The following SORCS1 variants were observed in gnomAD, a reference collection of about 807,000 sequenced individuals.
The protein encoded by SORCS1 is sortilin related VPS10 domain containing receptor 1, also known as VPS10 domain-containing receptor SorCS1.
In SORCS1, 60 loss-of-function variants were observed where a neutral mutation model predicts 146.1. The observed-to-expected ratio is 0.41, with a 90% CI of 0.33 to 0.51. The LOEUF is 0.51. Ranked by LOEUF, SORCS1 falls within the 20% of genes least tolerant of loss-of-function variation. The pLI is 0.21. For missense variants in SORCS1, 1,352 were observed against 1,487.6 expected, an observed-to-expected ratio of 0.91 and a Z score of 1.50; for synonymous variants, 637 against 584.0, an observed-to-expected ratio of 1.09 and a Z score of -1.31.
intron 1 of SORCS1, among the ~76,000 whole-genome samples, chr10:107,123,955 C>T (rs535382622): frequency 1.3e-3 from 194 of 150,016 alleles, no homozygotes; most frequent in African/African-American, 4.5e-3. Flanking sequence ...GGCGTGGTGG[C>T]GGGTACCTGT....
intron 3 of SORCS1, among the ~76,000 whole-genome samples, chr10:106,801,930 T>C (rs1946922237): frequency 6.6e-6 from 1 of 152,174 alleles, no homozygotes. Flanking sequence ...CAGGATTGAA[T>C]GTAGTTAGTT....
intron 21 of SORCS1, among the ~76,000 whole-genome samples, chr10:106,617,058 G>A (rs1022745): frequency 0.72 from 108,491 of 151,610 alleles, 40,625 homozygotes; most frequent in Non-Finnish European, 0.83. Flanking sequence ...GGGTTCAAGC[G>A]ATTCTCCTGC....
chr10:106,821,935 A>T (rs1490114570), intron 3 of SORCS1, among the ~76,000 whole-genome samples: 2 of 152,104 alleles, frequency 1.3e-5, no homozygotes, highest in Non-Finnish European at 1.5e-5. Context: ...AAAATAAAAA[A>T]AAAAAAAAGT....
intron 1 of SORCS1, among the ~76,000 whole-genome samples, chr10:106,977,842 A>C (rs1458644888): frequency 1.3e-5 from 2 of 152,230 alleles, no homozygotes; most frequent in African/African-American, 2.4e-5. Flanking sequence ...CCAAATCATA[A>C]ATGTCTACTA....
intron 15 of SORCS1, 67 bp downstream of exon 15, chr10:106,672,801 A>T: frequency 7.3e-7 from 1 of 1,364,202 alleles, no homozygotes; most frequent in South Asian, 1.2e-5. Flanking sequence ...TACCTTAGCA[A>T]CTAGCTTTCC....
intron 4 of SORCS1, among the ~76,000 whole-genome samples, chr10:106,772,248 G>A (rs945940757): frequency 1.3e-5 from 2 of 152,030 alleles, no homozygotes; most frequent in African/African-American, 4.8e-5. Context: ...GTCTCCCCTG[G>A]CCCTCAGACA....
intron 1 of SORCS1, among the ~76,000 whole-genome samples, chr10:107,015,570 T>C (rs1235401169): frequency 6.6e-6 from 1 of 152,290 alleles, no homozygotes; most frequent in Admixed American, 6.5e-5. Context: ...TGAGAATTGA[T>C]GCTGTATATG....
intron 9 of SORCS1, among the ~76,000 whole-genome samples, chr10:106,693,487 T>C (rs186638385): frequency 1.3e-5 from 2 of 152,310 alleles, no homozygotes; most frequent in African/African-American, 2.4e-5. Context: ...TCAAAGAAAT[T>C]GTATTTTATT....
chr10:107,089,344 T>G (rs1964000827), intron 1 of SORCS1, among the ~76,000 whole-genome samples: 1 of 152,214 alleles, frequency 6.6e-6, no homozygotes, highest in African/African-American at 2.4e-5. Flanking sequence ...GATATTCTAG[T>G]TATTATGTGA....
chr10:106,701,616 C>T (rs1355292173), intron 8 of SORCS1, among the ~76,000 whole-genome samples: 1 of 152,158 alleles, frequency 6.6e-6, no homozygotes, highest in African/African-American at 2.4e-5. Context: ...ATGGCCCAAT[C>T]CTGTGACATT....
Position 107,164,535 on chromosome 10 carries a change from C to G in SORCS1, c.-9G>C, listed in dbSNP as rs1036885294. On this transcript the variant is annotated 5_prime_UTR_variant, in exon 1 of 26. Transcript: ENST00000263054. The surrounding 1 kb of genome is among the most constrained non-coding windows in gnomAD (Gnocchi z 6.8). ...GCGCCAACTTTTCCCATCGCGGGAG[C>G]GAAGAGCAGCGGAGAGAGGGGTCCC... 2 of 1,344,070 alleles carry G rather than the reference C, an allele frequency of 1.5e-6. No individual in the cohort carries two copies. The highest frequency in any genetic ancestry group is 1.9e-6 in the Non-Finnish European group (2 of 1,055,220). 83.3% of individuals were successfully genotyped at this position (1,344,070 alleles called of 1,614,324 possible).
chr10:107,071,975 A>G (rs1262742501), intron 1 of SORCS1, among the ~76,000 whole-genome samples: 1 of 152,240 alleles, frequency 6.6e-6, no homozygotes, highest in Non-Finnish European at 1.5e-5. Context: ...AAAACTCTGA[A>G]GATGGGATGC....
chr10:106,988,550 T>C (rs1468729395), intron 1 of SORCS1, among the ~76,000 whole-genome samples: 1 of 152,158 alleles, frequency 6.6e-6, no homozygotes, highest in African/African-American at 2.4e-5. Context: ...CTTACTTTTT[T>C]TTTTTAGAAT....
rs200567639 is a variant in SORCS1 at position 106,623,243 on chromosome 10, CTT to C, written c.2663-2684_2663-2683del. Among the ~76,000 whole-genome samples the C allele has an allele frequency of 6.7e-3, 905 of 135,814 alleles. 9 individuals carry two copies. The highest frequency in any genetic ancestry group is 0.022 in the African/African-American group (821 of 36,544). 89.1% of individuals were successfully genotyped at this position (135,814 alleles called of 152,430 possible). On this transcript the variant is annotated intron_variant, in intron 19 of 25. Transcript: ENST00000263054. Reference sequence around the variant, plus strand: ...GTTCATTTTGTCTCTCATATGTGAGCTTTTTTTTTTTTTTTTTGAGACAGAGT... The same window carrying C: ...GTTCATTTTGTCTCTCATATGTGAGCTTTTTTTTTTTTTTTGAGACAGAGT...
intron 1 of SORCS1, among the ~76,000 whole-genome samples, chr10:107,038,678 C>G (rs1269966612): frequency 9.3e-6 from 1 of 107,676 alleles, no homozygotes; most frequent in African/African-American, 4.2e-5. Context: ...CTGCCCACCC[C>G]CAACCCTGGG....
At chr10:107,120,269 T>C (rs1360227629) in intron 1 of SORCS1, among the ~76,000 whole-genome samples, 2 of 152,184 alleles carry the variant, frequency 1.3e-5, no homozygotes, top group African/African-American at 4.8e-5. Context: ...ACATTATACA[T>C]CAATACAGCA....
At chr10:106,739,912 T>C (rs892288496) in intron 5 of SORCS1, among the ~76,000 whole-genome samples, 4 of 150,444 alleles carry the variant, frequency 2.7e-5, no homozygotes, top group African/African-American at 7.4e-5. Context: ...GATCACGCCA[T>C]TGAGCTCCAG....
chr10:107,051,755 T>C (rs1960147571), intron 1 of SORCS1, among the ~76,000 whole-genome samples: 1 of 152,178 alleles, frequency 6.6e-6, no homozygotes, highest in South Asian at 2.1e-4. Flanking sequence ...ATTTAACATT[T>C]ATAAAATGAA....
chr10:106,717,219 C>T (rs910035159), intron 6 of SORCS1, among the ~76,000 whole-genome samples: 2 of 152,208 alleles, frequency 1.3e-5, no homozygotes, highest in Non-Finnish European at 2.9e-5. Context: ...GCGCATATAA[C>T]TTTTCCTTTT....
Sources: gnomAD v4.1 joint callset for allele counts (sites outside exome capture counted in the v4.1 genomes callset) on GRCh38, gnomAD v4.1.1 for gene constraint, Gnocchi (gnomAD v3.1) non-coding constraint, MANE v1.5 for transcripts, NCBI Gene and HGNC (gene_info 2026-07-23, HGNC 2026-07-21) for gene names.